NR6A1: variants seen among roughly 807,000 people sequenced by gnomAD.
The protein encoded by NR6A1 is nuclear receptor subfamily 6 group A member 1, also known as retinoic acid receptor-related testis-associated receptor.
A neutral mutation model predicts 59.1 loss-of-function variants in NR6A1; 7 were observed. The observed-to-expected ratio is 0.12, with a 90% CI of 0.07 to 0.22. NR6A1 has a LOEUF of 0.22. NR6A1 is among the 10% of genes least tolerant of loss of function. The probability of loss-of-function intolerance (pLI) is 1.00; values close to 1 mark genes in which losing one functional copy is unlikely to be tolerated. For missense variants in NR6A1, 468 were observed against 611.6 expected, an observed-to-expected ratio of 0.77 and a Z score of 2.48; for synonymous variants, 243 against 236.1, an observed-to-expected ratio of 1.03 and a Z score of -0.27.
At chr9:124,756,249 T>G (rs1251667415) in intron 1 of NR6A1, among the ~76,000 whole-genome samples, 1 of 152,230 alleles carries the variant, frequency 6.6e-6, no homozygotes, top group Admixed American at 6.5e-5. Context: ...TTTTAATTAC[T>G]AACCAGGAAT....
chr9:124,561,537 T>A (rs528909898), intron 2 of NR6A1, among the ~76,000 whole-genome samples: 4 of 152,168 alleles, frequency 2.6e-5, no homozygotes, highest in African/African-American at 9.7e-5. Flanking sequence ...TAGTCTGTAA[T>A]AGAATAAAGT....
At chr9:124,588,934 G>T (rs118182557) in intron 2 of NR6A1, among the ~76,000 whole-genome samples, 2 of 110,078 alleles carry the variant, frequency 1.8e-5, no homozygotes, top group Admixed American at 8.9e-5. Flanking sequence ...AAAAAAAAAA[G>T]AAAGAAAAAA....
chr9:124,745,321 T>C (rs1460550202), intron 1 of NR6A1, among the ~76,000 whole-genome samples: 1 of 152,132 alleles, frequency 6.6e-6, no homozygotes, highest in African/African-American at 2.4e-5. Flanking sequence ...TAATTTTTCT[T>C]CCTCCATTCT....
intron 2 of NR6A1, among the ~76,000 whole-genome samples, chr9:124,659,433 G>C (rs1180011980): frequency 1.3e-5 from 2 of 152,220 alleles, no homozygotes; most frequent in Non-Finnish European, 2.9e-5. Context: ...AGAGCCTAGT[G>C]AGGGAGAGAA....
intron 2 of NR6A1, among the ~76,000 whole-genome samples, chr9:124,602,127 C>T (rs1835468291): frequency 6.6e-6 from 1 of 152,144 alleles, no homozygotes; most frequent in Non-Finnish European, 1.5e-5. Context: ...AAAAGGTGAG[C>T]TTTTCCTCCA....
intron 2 of NR6A1, among the ~76,000 whole-genome samples, chr9:124,662,775 TC>T (rs779121326): frequency 4.6e-5 from 7 of 152,212 alleles, no homozygotes; most frequent in Non-Finnish European, 1.0e-4. Flanking sequence ...TCAAAAAAAA[TC>T]TCATGTCATA....
chr9:124,693,187 T>C (rs1774156225), intron 2 of NR6A1, among the ~76,000 whole-genome samples: 1 of 152,160 alleles, frequency 6.6e-6, no homozygotes, highest in African/African-American at 2.4e-5. Flanking sequence ...ACTAGTTATT[T>C]GACCCCCTAA....
intron 3 of NR6A1, among the ~76,000 whole-genome samples, chr9:124,547,550 C>CGGT (rs1833635220): frequency 6.6e-6 from 1 of 152,184 alleles, no homozygotes; most frequent in African/African-American, 2.4e-5. Flanking sequence ...CTGGCAACAT[C>CGGT]ACCTTCCCTA....
At chr9:124,609,266 A>T (rs1219050437) in intron 2 of NR6A1, among the ~76,000 whole-genome samples, 1 of 152,130 alleles carries the variant, frequency 6.6e-6, no homozygotes, top group Admixed American at 6.5e-5. Flanking sequence ...TCTTTAGTCC[A>T]TCTTGAGTTG....
At chr9:124,729,471 C>T (rs997009433) in intron 2 of NR6A1, among the ~76,000 whole-genome samples, 1 of 152,076 alleles carries the variant, frequency 6.6e-6, no homozygotes, top group Non-Finnish European at 1.5e-5. Context: ...GTAGTCACAG[C>T]TACTCAGGAA....
intron 2 of NR6A1, among the ~76,000 whole-genome samples, chr9:124,685,221 G>T (rs1265535563): frequency 2.0e-5 from 3 of 152,128 alleles, no homozygotes; most frequent in Non-Finnish European, 4.4e-5. Flanking sequence ...GAACGCTTTT[G>T]AAAAATACAG....
At chr9:124,601,223 C>G (rs1835438064) in intron 2 of NR6A1, among the ~76,000 whole-genome samples, 1 of 151,930 alleles carries the variant, frequency 6.6e-6, no homozygotes, top group African/African-American at 2.4e-5. Flanking sequence ...TTGCAGTGAG[C>G]AGAGATCACG....
chr9:124,643,718 C>T (rs911934822), intron 2 of NR6A1, among the ~76,000 whole-genome samples: 2 of 145,752 alleles, frequency 1.4e-5, no homozygotes, highest in African/African-American at 5.1e-5. Flanking sequence ...GGCACCACTG[C>T]ACCCTGGCCT....
At chr9:124,678,982 G>A (rs1392208945) in intron 2 of NR6A1, among the ~76,000 whole-genome samples, 1 of 152,146 alleles carries the variant, frequency 6.6e-6, no homozygotes, top group Non-Finnish European at 1.5e-5. Flanking sequence ...TCAGGAGGCT[G>A]AGGTAGGAGG....
intron 2 of NR6A1, among the ~76,000 whole-genome samples, chr9:124,642,757 A>G (rs993502549): frequency 3.3e-5 from 5 of 152,152 alleles, no homozygotes; most frequent in Non-Finnish European, 7.4e-5. Context: ...CAGAAATATA[A>G]AAGACAACGT....
At chr9:124,693,855 G>GTT in intron 2 of NR6A1, 2 of 505,478 alleles carry the variant, frequency 4.0e-6, no homozygotes, top group South Asian at 2.9e-5. Flanking sequence ...AGCTACTGCT[G>GTT]TGAGTGGGAG....
chr9:124,715,985 T>C (rs1164887500), intron 2 of NR6A1, among the ~76,000 whole-genome samples: 2 of 152,172 alleles, frequency 1.3e-5, no homozygotes, highest in Non-Finnish European at 2.9e-5. Context: ...GGAGGATTAC[T>C]TGAGGCCAGG....
At chr9:124,555,309 C>T (rs552844755) in intron 2 of NR6A1, among the ~76,000 whole-genome samples, 63 of 152,096 alleles carry the variant, frequency 4.1e-4, no homozygotes, top group Non-Finnish European at 7.5e-4. Flanking sequence ...AGCAGGCACA[C>T]GACAAAAAAG....
chr9:124,583,936 T>C (rs1834845022), intron 2 of NR6A1, among the ~76,000 whole-genome samples: 1 of 152,190 alleles, frequency 6.6e-6, no homozygotes, highest in Non-Finnish European at 1.5e-5. Flanking sequence ...GAGGATCTAT[T>C]TCCCTCTGCT....
Sources: gnomAD v4.1 joint callset for allele counts (sites outside exome capture counted in the v4.1 genomes callset) on GRCh38, gnomAD v4.1.1 for gene constraint, MANE v1.5 for transcripts, NCBI Gene and HGNC (gene_info 2026-07-23, HGNC 2026-07-21) for gene names.